HDGFL2: variants seen among roughly 807,000 people sequenced by gnomAD.
HDGFL2 encodes HDGF like 2, also known as hepatoma-derived growth factor-related protein 2.
In HDGFL2, 36 loss-of-function variants were observed where a neutral mutation model predicts 77.1. That is an observed-to-expected ratio of 0.47 (90% confidence interval 0.36 to 0.62). The LOEUF is 0.62. HDGFL2 is among the 20% of genes least tolerant of loss of function. HDGFL2 has a pLI of 0.00. For synonymous variants in HDGFL2, 463 were observed against 413.1 expected, an observed-to-expected ratio of 1.12 and a Z score of -1.46; for missense variants, 976 against 973.4, an observed-to-expected ratio of 1.00 and a Z score of -0.04.
At chr19:4,485,883 C>CA (rs57557081) in intron 3 of HDGFL2, among the ~76,000 whole-genome samples, 1 of 95,620 alleles carries the variant, frequency 1.0e-5, no homozygotes, top group Non-Finnish European at 1.9e-5. Flanking sequence ...CCCATGTCTA[C>CA]AAAAAAAAAA....
intron 3 of HDGFL2, among the ~76,000 whole-genome samples, chr19:4,477,433 G>A (rs1041691405): frequency 1.3e-5 from 2 of 152,292 alleles, no homozygotes; most frequent in South Asian, 2.1e-4. Context: ...AGGAGACTGA[G>A]GTTTCCCTGG....
chr19:4,492,085 C>A (rs1329365817), intron 6 of HDGFL2, among the ~76,000 whole-genome samples: 4 of 152,164 alleles, frequency 2.6e-5, no homozygotes, highest in Admixed American at 6.5e-5. Context: ...GCAGTCCTGA[C>A]GCGCCTGCAT....
chr19:4,491,952 G>A, intron 6 of HDGFL2, 117 bp downstream of exon 6: 4 of 904,330 alleles, frequency 4.4e-6, no homozygotes, highest in Non-Finnish European at 6.9e-6. Context: ...CGGACTGCAG[G>A]GTACCCGAGG....
chr19:4,489,244 C>A (rs187116729), intron 4 of HDGFL2, among the ~76,000 whole-genome samples: 2 of 138,228 alleles, frequency 1.4e-5, no homozygotes, highest in Non-Finnish European at 3.1e-5. Flanking sequence ...TGAGCCACTG[C>A]GCCTGGCCAC....
At chr19:4,483,028 C>G (rs1975260547) in intron 3 of HDGFL2, among the ~76,000 whole-genome samples, 3 of 152,228 alleles carry the variant, frequency 2.0e-5, no homozygotes, top group Non-Finnish European at 4.4e-5. Flanking sequence ...AAGAGAAACC[C>G]CAGGTACGCG....
intron 10 of HDGFL2, chr19:4,497,269 C>T (rs1006972117): frequency 6.9e-5 from 28 of 408,412 alleles, no homozygotes; most frequent in Non-Finnish European, 1.1e-4. Flanking sequence ...GCCATCTCAG[C>T]TCACTGCAAC....
chr19:4,479,559 C>T lies in HDGFL2; in HGVS notation c.288+3976C>T, dbSNP rs1165793412. Among the ~76,000 whole-genome samples the T allele has an allele frequency of 6.4e-5, 9 of 141,572 alleles. No individual in the cohort carries two copies. The South Asian group carries it at 1.3e-3, about 21-fold the overall frequency. 92.9% of individuals were successfully genotyped at this position (141,572 alleles called of 152,430 possible). The stretch of plus-strand genomic sequence containing the variant: ...TCCCACCACTGCACTCCAGCCTGGG[C>T]GACACAGCGAGATTCCATCTAAAAA... On this transcript the variant is annotated intron_variant, in intron 3 of 15. Transcript: ENST00000616600.
intron 8 of HDGFL2, 36 bp downstream of exon 8, chr19:4,494,093 C>T: frequency 6.5e-7 from 1 of 1,537,708 alleles, no homozygotes; most frequent in Admixed American, 2.1e-5. Context: ...CTGGCGGCTC[C>T]TCCATCGGCT....
intron 3 of HDGFL2, among the ~76,000 whole-genome samples, chr19:4,480,997 C>T (rs939146656): frequency 3.4e-5 from 5 of 145,758 alleles, no homozygotes; most frequent in South Asian, 2.2e-4. Flanking sequence ...GGTGGGATTA[C>T]GGGCATCCAC....
intron 1 of HDGFL2, among the ~76,000 whole-genome samples, chr19:4,473,215 G>A (rs1974990756): frequency 6.6e-6 from 1 of 150,764 alleles, no homozygotes; most frequent in African/African-American, 2.4e-5. Context: ...GGGATCTGGG[G>A]GGTGTCCAGG....
In HDGFL2 at chr19:4,492,299, G is replaced by T. The variant is rs1041189820; in HGVS notation, c.678+464G>T. Among the ~76,000 whole-genome samples, 16 of 151,146 alleles carry T rather than the reference G, an allele frequency of 1.1e-4. 1 individual carries two copies. In the South Asian group the frequency reaches 2.9e-3, roughly 28 times the overall value. ...TATGTGTGCAGTGTGTGTGTAGATT[G>T]TGCATGTGTGATGTGTGTGTCGTGT... On this transcript the variant is annotated intron_variant, in intron 6 of 15. Transcript: ENST00000616600.
intron 6 of HDGFL2, 116 bp from the exon 7 acceptor site, chr19:4,493,587 G>A: frequency 8.0e-7 from 1 of 1,250,382 alleles, no homozygotes; most frequent in South Asian, 3.1e-5. Context: ...CGGGCCCTGA[G>A]CCGAGGCCCG....
At chr19:4,478,726 G>T (rs372392543) in intron 3 of HDGFL2, among the ~76,000 whole-genome samples, 1 of 151,616 alleles carries the variant, frequency 6.6e-6, no homozygotes, top group Non-Finnish European at 1.5e-5. Flanking sequence ...CTCTCGCCCA[G>T]GCTGGAGTGC....
rs780788174 is a variant in HDGFL2, at chr19:4,499,539, G to A, written c.1624G>A (p.Val542Ile). The A allele has an allele frequency of 1.2e-6, 2 of 1,613,908 alleles. No homozygotes were observed. The highest frequency in any genetic ancestry group is 2.2e-5 in the South Asian group (2 of 91,026). ...NKDVMEKAAE[V>I]YTRLKSRVLG... ...GGACGTAATGGAGAAGGCAGCAGAA[G>A]TCTATACCCGGCTCAAGTCGCGGGT... Residue 542 changes from valine to isoleucine, a missense_variant, in exon 14 of 16, where the codon GTC becomes ATC. Around this residue, in one of 5 missense-constraint regions of HDGFL2, gnomAD observed 229 missense variants for 187.3 expected, o/e 1.22. Transcript: ENST00000616600.
At chr19:4,492,895 GGT>G (rs1304812770) in intron 6 of HDGFL2, among the ~76,000 whole-genome samples, 19 of 115,820 alleles carry the variant, frequency 1.6e-4, no homozygotes, top group Admixed American at 1.0e-3. Flanking sequence ...TGTTATCTGT[GGT>G]GTGTGTGTGG....
At chr19:4,475,891 CTT>C (rs34722390) in intron 3 of HDGFL2, among the ~76,000 whole-genome samples, 283 of 136,744 alleles carry the variant, frequency 2.1e-3, no homozygotes, top group Middle Eastern at 7.4e-3. Flanking sequence ...GTCCAAGTTT[CTT>C]TTTTTTTTTT....
intron 10 of HDGFL2, 195 bp from the exon 11 acceptor site, chr19:4,497,763 G>A (rs972534928): frequency 2.2e-5 from 13 of 582,102 alleles, no homozygotes; most frequent in Admixed American, 1.3e-4. Flanking sequence ...TGGGCAGCTC[G>A]AGCCTGTGGC....
intron 14 of HDGFL2, 92 bp from the exon 15 acceptor site, chr19:4,501,099 G>T (rs1232268415): frequency 1.3e-6 from 2 of 1,540,968 alleles, no homozygotes; most frequent in Non-Finnish European, 1.8e-6. Context: ...ACGGCGCTCA[G>T]CTTGGCCCCT....
chr19:4,501,994 T>A lies in HDGFL2; in HGVS notation c.2000T>A (p.Leu667Gln), dbSNP rs1196819667. Residue 667 changes from leucine (L) to glutamine (Q), a missense_variant, in exon 16 of 16, where the codon CTG (leucine) becomes CAG (glutamine). Coordinates refer to ENST00000616600, the MANE Select transcript of HDGFL2 (RefSeq NM_001001520.3). Reference sequence around the variant, plus strand: ...AGGGCACGGGGGGACTCGGAGGCCCTGGACGAGGAGAGCTGAGCCGCGGGC... The same window carrying A: ...AGGGCACGGGGGGACTCGGAGGCCCAGGACGAGGAGAGCTGAGCCGCGGGC... ...RERARGDSEA[L>Q]DEES The A allele has an allele frequency of 1.3e-6, 2 of 1,516,128 alleles. No individual in the cohort carries two copies. The highest frequency in any genetic ancestry group is 1.8e-6 in the Non-Finnish European group (2 of 1,139,250). 93.9% of individuals were successfully genotyped at this position (1,516,128 alleles called of 1,614,324 possible).
Sources: gnomAD v4.1 joint callset for allele counts (sites outside exome capture counted in the v4.1 genomes callset) on GRCh38, gnomAD v4.1.1 for gene constraint, gnomAD v4.1.1 regional missense constraint, MANE v1.5 for transcripts, NCBI Gene and HGNC (gene_info 2026-07-23, HGNC 2026-07-21) for gene names.